The following DSCAML1 variants were observed in gnomAD, a reference collection of about 807,000 sequenced individuals.
The protein encoded by DSCAML1 is DS cell adhesion molecule like 1, also known as cell adhesion molecule DSCAML1.
DSCAML1 carries 38 observed loss-of-function variants against 200.5 expected under a neutral mutation model. The ratio of observed to expected loss-of-function variants is 0.19; its 90% CI spans 0.15 to 0.25. DSCAML1 has a LOEUF of 0.25. Ranked by LOEUF, DSCAML1 falls within the 10% of genes least tolerant of loss-of-function variation. The pLI, the probability that DSCAML1 is intolerant of heterozygous loss-of-function variation, is 1.00. For synonymous variants in DSCAML1, 1,215 were observed against 1,165.0 expected, an observed-to-expected ratio of 1.04 and a Z score of -0.87; for missense variants, 2,223 against 2,858.8, an observed-to-expected ratio of 0.78 and a Z score of 5.07.
At chr11:117,603,049 T>C (rs2051494175) in intron 3 of DSCAML1, among the ~76,000 whole-genome samples, 1 of 152,138 alleles carries the variant, frequency 6.6e-6, no homozygotes, top group African/African-American at 2.4e-5. Flanking sequence ...TGAGCCATGA[T>C]TGCATCGCTG....
In DSCAML1 at chr11:117,430,766, C is replaced by T. The variant is rs202179743; in HGVS notation, c.5642G>A (p.Arg1881Gln). ...GATGGGCACAGCCACGTTTTTGCCC[C>T]GGTCCGCATCCTGGGGCTTGGGTGG... ...ASPPKPQDADRGKNVAVPIPH... is the reference protein window; with the variant it reads ...ASPPKPQDADQGKNVAVPIPH... The change falls in exon 32 of 33, where the codon CGG becomes CAG. Residue 1881 changes from arginine (R) to glutamine (Q), a missense_variant. Arg to Gln is a conservative substitution (Grantham distance 43, BLOSUM62 1). This residue lies in a region of DSCAML1 where 96 missense variants were observed against 160.7 expected (regional missense o/e 0.60). Coordinates refer to ENST00000651296, the MANE Select transcript of DSCAML1 (RefSeq NM_020693.4). 1.2e-4 allele frequency: 187 copies of T among 1,613,820 alleles called. No homozygotes were observed. The highest frequency in any genetic ancestry group is 2.4e-4 in the African/African-American group (18 of 74,914).
chr11:117,518,325 G>C lies in DSCAML1; in HGVS notation c.1510+141C>G. Reference sequence around the variant, plus strand: ...GCGCTTGAGGAGGGCAGGAAAAGGGGACGAGAGAGGGGAGAGAGACCTCTA... The same window carrying C: ...GCGCTTGAGGAGGGCAGGAAAAGGGCACGAGAGAGGGGAGAGAGACCTCTA... On this transcript the variant is annotated intron_variant, in intron 7 of 32. Transcript: ENST00000651296. The surrounding 1 kb of genome is among the most constrained non-coding windows in gnomAD (Gnocchi z 6.3). The C allele has an allele frequency of 8.6e-7, 1 of 1,156,846 alleles. No individual in the cohort carries two copies. The allele number at this position is 1,156,846 out of a possible 1,614,324, so 71.7% of individuals were successfully genotyped here.
At chr11:117,436,520 GTGTGTGTGTA>G (rs138376269) in intron 26 of DSCAML1, among the ~76,000 whole-genome samples, 15,063 of 151,768 alleles carry the variant, frequency 0.099, 961 homozygotes, top group Non-Finnish European at 0.14. Flanking sequence ...ATGGATGTGT[GTGTGTGTGTA>G]TGTGTGTGTA....
chr11:117,713,155 G>A (rs565907106), intron 3 of DSCAML1, among the ~76,000 whole-genome samples: 5 of 152,032 alleles, frequency 3.3e-5, no homozygotes, highest in East Asian at 1.9e-4. Flanking sequence ...AGAATGTAAC[G>A]GCATGACCTC....
Position 117,431,719 on chromosome 11 carries a change from G to C in DSCAML1, c.5189C>G (p.Ser1730Cys). The change falls in exon 31 of 33, where the codon TCC becomes TGC. Residue 1730 changes from serine (S) to cysteine (C), a missense_variant. Physicochemically the swap from Ser to Cys is moderately radical, Grantham distance 112. Around this residue, in one of 7 missense-constraint regions of DSCAML1, gnomAD observed 614 missense variants for 739.1 expected, o/e 0.83. Transcript: ENST00000651296. Reference protein sequence around the residue: ...SDIRPGTNPVSRKNVKSAHST... With the variant: ...SDIRPGTNPVCRKNVKSAHST... ...GTGGGCTGACTTCACATTCTTCCTG[G>C]ACACTGGATCTGCACAGACAGAAGC... 1 of 1,583,520 alleles carries C rather than the reference G, an allele frequency of 6.3e-7. No homozygotes were observed. The highest frequency in any genetic ancestry group is 2.3e-5 in the East Asian group (1 of 43,982).
chr11:117,743,572 G>T (rs1277462507), intron 3 of DSCAML1, among the ~76,000 whole-genome samples: 1 of 152,150 alleles, frequency 6.6e-6, no homozygotes, highest in Non-Finnish European at 1.5e-5. Flanking sequence ...AGCTCCCGCT[G>T]TCTGGCGTAA....
intron 15 of DSCAML1, among the ~76,000 whole-genome samples, chr11:117,471,338 A>C (rs1344302168): frequency 6.6e-6 from 1 of 152,016 alleles, no homozygotes; most frequent in Non-Finnish European, 1.5e-5. Context: ...CGCCCAGCTA[A>C]TTTTTGTATT....
At chr11:117,645,017 G>C (rs1050597638) in intron 3 of DSCAML1, among the ~76,000 whole-genome samples, 1 of 152,242 alleles carries the variant, frequency 6.6e-6, no homozygotes, top group Admixed American at 6.5e-5. Context: ...TGGGGCCCAC[G>C]CTCCCCGAGG....
At position 117,498,348 on chromosome 11, in the gene DSCAML1, G is replaced by A. The variant is rs1347396035; in HGVS notation, c.2359+5497C>T. ...GTCCCTCAGCTCTAGGGGTCACGGCGGTGGCAGGGCCCATCCGTGGGAGGA... is the reference window on the plus strand; with the variant it reads ...GTCCCTCAGCTCTAGGGGTCACGGCAGTGGCAGGGCCCATCCGTGGGAGGA... On this transcript the variant is annotated intron_variant, in intron 11 of 32. Transcript: ENST00000651296. The surrounding 1 kb of genome is among the most constrained non-coding windows in gnomAD (Gnocchi z 4.0). Among the ~76,000 whole-genome samples, 3 of 152,170 alleles carry A rather than the reference G, an allele frequency of 2.0e-5. No individual in the cohort carries two copies. Among genetic ancestry groups the A allele is most frequent in the Non-Finnish European group, 2.9e-5 (2 of 68,026 alleles).
intron 3 of DSCAML1, among the ~76,000 whole-genome samples, chr11:117,623,919 A>G (rs559905013): frequency 4.6e-5 from 7 of 152,288 alleles, no homozygotes; most frequent in Non-Finnish European, 1.0e-4. Context: ...TTAAGACACT[A>G]TTGGAGGATA....
At chr11:117,724,095 G>C (rs1463938458) in intron 3 of DSCAML1, among the ~76,000 whole-genome samples, 1 of 152,138 alleles carries the variant, frequency 6.6e-6, no homozygotes, top group Non-Finnish European at 1.5e-5. Context: ...TAAAAGCTTT[G>C]TTTAAAGGCC....
intron 3 of DSCAML1, among the ~76,000 whole-genome samples, chr11:117,629,442 G>T (rs2052125161): frequency 6.6e-6 from 1 of 151,004 alleles, no homozygotes; most frequent in Admixed American, 6.6e-5. Context: ...TGGGGGATGG[G>T]TGCACATGGG....
At chr11:117,762,033 G>T (rs139769593) in intron 3 of DSCAML1, among the ~76,000 whole-genome samples, 242 of 152,170 alleles carry the variant, frequency 1.6e-3, no homozygotes, top group African/African-American at 5.5e-3. Flanking sequence ...ACAACAACCA[G>T]TACAGCATCG....
At chr11:117,479,621 G>A (rs2155393) in intron 14 of DSCAML1, among the ~76,000 whole-genome samples, 38,011 of 151,990 alleles carry the variant, frequency 0.25, 5,090 homozygotes, top group South Asian at 0.44. Flanking sequence ...CAGCCAGTTG[G>A]CACCTGAGAG....
chr11:117,589,668 G>A (rs1180288410), intron 3 of DSCAML1, among the ~76,000 whole-genome samples: 1 of 152,226 alleles, frequency 6.6e-6, no homozygotes, highest in Non-Finnish European at 1.5e-5. Flanking sequence ...AATCCAGGTT[G>A]TGAGTTGCAA....
chr11:117,527,165 A>C (rs2049991756), intron 4 of DSCAML1, among the ~76,000 whole-genome samples: 1 of 152,224 alleles, frequency 6.6e-6, no homozygotes. Context: ...TTGTCTCAAA[A>C]ATAATGATGA....
chr11:117,637,223 A>G (rs766300817), intron 3 of DSCAML1, among the ~76,000 whole-genome samples: 9 of 152,116 alleles, frequency 5.9e-5, no homozygotes, highest in Non-Finnish European at 1.2e-4. Context: ...CTCTCAGAGC[A>G]TCCTAATTAC....
intron 3 of DSCAML1, among the ~76,000 whole-genome samples, chr11:117,657,078 G>A (rs1202286314): frequency 1.3e-5 from 2 of 152,148 alleles, no homozygotes; most frequent in Non-Finnish European, 2.9e-5. Flanking sequence ...GCTGCAGGGC[G>A]CTCCACAGGT....
intron 3 of DSCAML1, among the ~76,000 whole-genome samples, chr11:117,605,211 C>T (rs1187055834): frequency 6.6e-6 from 1 of 152,056 alleles, no homozygotes; most frequent in Non-Finnish European, 1.5e-5. Context: ...GGTTTTAGAT[C>T]AGCACCACTC....
Sources: gnomAD v4.1 joint callset for allele counts (sites outside exome capture counted in the v4.1 genomes callset) on GRCh38, gnomAD v4.1.1 for gene constraint, gnomAD v4.1.1 regional missense constraint, Gnocchi (gnomAD v3.1) non-coding constraint, MANE v1.5 for transcripts, NCBI Gene and HGNC (gene_info 2026-07-23, HGNC 2026-07-21) for gene names.